ALCAM: variants seen among roughly 807,000 people sequenced by gnomAD.
ALCAM encodes CD166 antigen.
In ALCAM, 30 loss-of-function variants were observed where a neutral mutation model predicts 70.9. That is an observed-to-expected ratio of 0.42 (90% confidence interval 0.32 to 0.57). The LOEUF (loss-of-function observed/expected upper bound fraction) is 0.57, where lower values mean the gene tolerates loss of function less well. ALCAM is among the 20% of genes least tolerant of loss of function. The pLI, the probability that ALCAM is intolerant of heterozygous loss-of-function variation, is 0.11. For synonymous variants in ALCAM, 249 were observed against 242.5 expected, an observed-to-expected ratio of 1.03 and a Z score of -0.25; for missense variants, 591 against 695.1, an observed-to-expected ratio of 0.85 and a Z score of 1.68.
At chr3:105,417,056 A>T (rs562467525) in intron 1 of ALCAM, among the ~76,000 whole-genome samples, 1 of 151,778 alleles carries the variant, frequency 6.6e-6, no homozygotes, top group Admixed American at 6.6e-5. Context: ...TGTGCCATTC[A>T]TCTCCTCTTT....
intron 1 of ALCAM, among the ~76,000 whole-genome samples, chr3:105,382,845 T>A (rs1352477980): frequency 6.6e-6 from 1 of 152,034 alleles, no homozygotes; most frequent in African/African-American, 2.4e-5. Context: ...TATTAGCCCT[T>A]TGTCAGATGA....
intron 1 of ALCAM, among the ~76,000 whole-genome samples, chr3:105,419,117 A>G (rs1438141380): frequency 6.6e-6 from 1 of 151,712 alleles, no homozygotes; most frequent in East Asian, 1.9e-4. Context: ...AAATTATTAT[A>G]TAATACCTAT....
At chr3:105,536,744 A>G (rs1034465793) in intron 6 of ALCAM, among the ~76,000 whole-genome samples, 2 of 152,150 alleles carry the variant, frequency 1.3e-5, no homozygotes, top group African/African-American at 4.8e-5. Flanking sequence ...CAAGACACCT[A>G]CATCAGAAGG....
chr3:105,474,013 T>C (rs1168613359), intron 1 of ALCAM, among the ~76,000 whole-genome samples: 2 of 151,582 alleles, frequency 1.3e-5, no homozygotes, highest in African/African-American at 4.8e-5. Context: ...ACTCCATCAT[T>C]ATGAATATGT....
Position 105,546,943 on chromosome 3 carries a change from A to G in ALCAM, c.1105-206A>G, listed in dbSNP as rs79322983. Reference sequence around the variant, plus strand: ...CCAAATTATAAATTCAGTAAATGAAAGAGCGTGAAATAAAAATCTGACATG... The same window carrying G: ...CCAAATTATAAATTCAGTAAATGAAGGAGCGTGAAATAAAAATCTGACATG... On this transcript the variant is annotated intron_variant, in intron 9 of 15. Transcript: ENST00000306107. Among the ~76,000 whole-genome samples, 216 of 151,620 alleles carry G rather than the reference A, an allele frequency of 1.4e-3. 3 individuals carry two copies. The East Asian group carries it at 0.037, about 26-fold the overall frequency.
At position 105,553,514 on chromosome 3, in the gene ALCAM, C is replaced by A. The variant is rs146832457; in HGVS notation, c.1664+929C>A. ...TAATTTTATATTATGTCTGATATGT[C>A]CCCTTTAAAAAATGTAAGAAAGTTG... On this transcript the variant is annotated intron_variant, in intron 14 of 15. Coordinates refer to ENST00000306107, the MANE Select transcript of ALCAM (RefSeq NM_001627.4). Among the ~76,000 whole-genome samples the A allele has an allele frequency of 2.1e-3, 321 of 151,814 alleles. 3 individuals are homozygous for A. Among genetic ancestry groups the A allele is most frequent in the African/African-American group, 7.2e-3 (298 of 41,454 alleles).
At chr3:105,533,525 T>C (rs1939895473) in intron 4 of ALCAM, 78 bp from the exon 5 acceptor site, 1 of 1,234,048 alleles carries the variant, frequency 8.1e-7, no homozygotes, top group African/African-American at 1.5e-5. Flanking sequence ...TAACTCTGCA[T>C]TGCCTGAGTT....
chr3:105,532,083 A>T lies in ALCAM; in HGVS notation c.459+17A>T. 1.9e-6 allele frequency: 3 copies of T among 1,605,542 alleles called. No homozygotes were observed. The South Asian group carries it at 3.3e-5, about 18-fold the overall frequency. Reference sequence around the variant, plus strand: ...CTAAAAAAGGTAAGAATTGTTTTTGATTAATACCTTTATTTAGCCAGTGTT... The same window carrying T: ...CTAAAAAAGGTAAGAATTGTTTTTGTTTAATACCTTTATTTAGCCAGTGTT... On this transcript the variant is annotated intron_variant, in intron 4 of 15. Coordinates refer to ENST00000306107, the MANE Select transcript of ALCAM (RefSeq NM_001627.4).
rs1227208167 is a variant in ALCAM at position 105,529,505 on chromosome 3, GATAC to G, written c.395-2493_395-2490del. 2.6e-5 allele frequency among the ~76,000 whole-genome samples: 4 copies of G among 152,180 alleles called. No individual in the cohort carries two copies. In the East Asian group the frequency reaches 7.7e-4, roughly 29 times the overall value. On this transcript the variant is annotated intron_variant, in intron 3 of 15. Coordinates refer to ENST00000306107, the MANE Select transcript of ALCAM (RefSeq NM_001627.4). ...TAATATAAAAGAAAATTACATTCAA[GATAC>G]ATAGTTAATATAGAGGACTCAAAAC...
intron 1 of ALCAM, among the ~76,000 whole-genome samples, chr3:105,416,295 T>C (rs962033306): frequency 1.8e-4 from 28 of 152,028 alleles, no homozygotes; most frequent in African/African-American, 6.5e-4. Flanking sequence ...AAATGTAACA[T>C]TTAATATCTC....
intron 1 of ALCAM, among the ~76,000 whole-genome samples, chr3:105,465,165 G>C (rs1048327019): frequency 1.3e-5 from 2 of 151,482 alleles, no homozygotes; most frequent in East Asian, 1.9e-4. Flanking sequence ...CAAGGAAAAA[G>C]ATCTGTGGCA....
At position 105,366,979 on chromosome 3, in the gene ALCAM, C is replaced by G. The variant is rs368613526; in HGVS notation, c.-430C>G. ...CTGCCACCTGAGGAGACCCGCCGCC[C>G]CCCCGTCGCCGCCTCCTGCGAGTCC... On this transcript the variant is annotated 5_prime_UTR_variant, in exon 1 of 16. Transcript: ENST00000306107. 6.1e-6 allele frequency: 1 copy of G among 165,138 alleles called. No individual in the cohort carries two copies. Among genetic ancestry groups the G allele is most frequent in the Non-Finnish European group, 1.3e-5 (1 of 75,484 alleles). 10.2% of individuals were successfully genotyped at this position (165,138 alleles called of 1,614,324 possible).
chr3:105,448,802 C>T (rs541269445), intron 1 of ALCAM, among the ~76,000 whole-genome samples: 1 of 152,288 alleles, frequency 6.6e-6, no homozygotes, highest in East Asian at 1.9e-4. Flanking sequence ...GGGTGACAGA[C>T]ATCTTTTGAT....
chr3:105,565,035 A>G (rs900074954), intron 14 of ALCAM, among the ~76,000 whole-genome samples: 109 of 151,232 alleles, frequency 7.2e-4, no homozygotes, highest in African/African-American at 2.5e-3. Context: ...GTCTGGAAAG[A>G]AAAAAAAACA....
chr3:105,560,346 G>A (rs971215812), intron 14 of ALCAM, among the ~76,000 whole-genome samples: 2 of 152,176 alleles, frequency 1.3e-5, no homozygotes, highest in South Asian at 4.1e-4. Context: ...TTTGTGAAGC[G>A]ACTATTCAAA....
rs570579497 is a variant in ALCAM, at chr3:105,529,352, T to C, written c.395-2650T>C. 4.6e-5 allele frequency among the ~76,000 whole-genome samples: 7 copies of C among 152,334 alleles called. No homozygotes were observed. The East Asian group carries it at 1.3e-3, about 29-fold the overall frequency. On this transcript the variant is annotated intron_variant, in intron 3 of 15. Coordinates refer to ENST00000306107, the MANE Select transcript of ALCAM (RefSeq NM_001627.4). The stretch of plus-strand genomic sequence containing the variant: ...AATTCTATACTTGGTTATGAATCTT[T>C]GAATCATGTTAAGATATAATTCACA...
chr3:105,533,273 T>C (rs1434571531), intron 4 of ALCAM, among the ~76,000 whole-genome samples: 2 of 152,292 alleles, frequency 1.3e-5, no homozygotes, highest in African/African-American at 2.4e-5. Context: ...TCAGTGTTAA[T>C]AGAGTAATGT....
chr3:105,549,597 CAATCACTGAAA>C (rs1022383761), intron 11 of ALCAM, among the ~76,000 whole-genome samples: 13 of 151,242 alleles, frequency 8.6e-5, no homozygotes, highest in Non-Finnish European at 1.5e-4. Flanking sequence ...AGAGGGACAG[CAATCACTGAAA>C]AATCATCCAT....
intron 1 of ALCAM, among the ~76,000 whole-genome samples, chr3:105,448,312 T>G (rs569439660): frequency 2.0e-5 from 3 of 152,126 alleles, no homozygotes; most frequent in Non-Finnish European, 4.4e-5. Flanking sequence ...GTAACTGATC[T>G]GATATTCATT....
Sources: gnomAD v4.1 joint callset for allele counts (sites outside exome capture counted in the v4.1 genomes callset) on GRCh38, gnomAD v4.1.1 for gene constraint, MANE v1.5 for transcripts, NCBI Gene and HGNC (gene_info 2026-07-23, HGNC 2026-07-21) for gene names.